The following CFAP299 variants were observed in gnomAD, a reference collection of about 807,000 sequenced individuals.
CFAP299 encodes cilia- and flagella-associated protein 299.
In CFAP299, 21 loss-of-function variants were observed where a neutral mutation model predicts 27.0. The observed-to-expected ratio is 0.78, with a 90% confidence interval of 0.55 to 1.12. The LOEUF is 1.12. Ranked by LOEUF, CFAP299 falls within the 50% of genes most tolerant of loss-of-function variation. The pLI is 0.00. For missense variants in CFAP299, 310 were observed against 276.6 expected (o/e 1.12, Z -0.86); for synonymous variants, 104 against 98.1 (o/e 1.06, Z -0.36).
intron 3 of CFAP299, among the ~76,000 whole-genome samples, chr4:80,855,886 T>C (rs11732549): frequency 0.12 from 18,249 of 151,178 alleles, 1,219 homozygotes; most frequent in Middle Eastern, 0.25. Context: ...TGTGTCTTTA[T>C]AGCAGCATGA....
chr4:80,860,912 T>C (rs1732297390), intron 3 of CFAP299, among the ~76,000 whole-genome samples: 1 of 152,204 alleles, frequency 6.6e-6, no homozygotes, highest in Non-Finnish European at 1.5e-5. Context: ...TTCAGCTGCG[T>C]GCTGGGAGAA....
At chr4:80,363,088 T>C (rs2109999165) in intron 2 of CFAP299, among the ~76,000 whole-genome samples, 1 of 152,344 alleles carries the variant, frequency 6.6e-6, no homozygotes, top group Non-Finnish European at 1.5e-5. Flanking sequence ...AAGCTACTAA[T>C]TTGAAATATA....
chr4:80,514,361 T>C (rs1482522960), intron 2 of CFAP299, among the ~76,000 whole-genome samples: 1 of 152,068 alleles, frequency 6.6e-6, no homozygotes, highest in Non-Finnish European at 1.5e-5. Context: ...ATTATTTAAC[T>C]AGGAGGTAGC....
chr4:80,402,551 A>G (rs1726217724), intron 2 of CFAP299, among the ~76,000 whole-genome samples: 1 of 152,160 alleles, frequency 6.6e-6, no homozygotes, highest in Non-Finnish European at 1.5e-5. Flanking sequence ...GCCATGTGGA[A>G]CTGTAAGTCC....
At chr4:80,501,832 C>CT (rs147696540) in intron 2 of CFAP299, among the ~76,000 whole-genome samples, 12,292 of 151,520 alleles carry the variant, frequency 0.081, 575 homozygotes, top group Non-Finnish European at 0.094. Flanking sequence ...TGAAAAGTCT[C>CT]TTTTCTTTTA....
intron 2 of CFAP299, among the ~76,000 whole-genome samples, chr4:80,555,791 G>A (rs1734751833): frequency 1.3e-5 from 2 of 152,174 alleles, no homozygotes; most frequent in East Asian, 1.9e-4. Context: ...GCTCAGAGGT[G>A]CTCATTGTAG....
chr4:80,455,633 G>GT (rs1172421683), intron 2 of CFAP299, among the ~76,000 whole-genome samples: 1 of 151,516 alleles, frequency 6.6e-6, no homozygotes, highest in Non-Finnish European at 1.5e-5. Context: ...TTTGTAGAGA[G>GT]TGAAAAAAAA....
chr4:80,473,910 T>C (rs1279531300), intron 2 of CFAP299, among the ~76,000 whole-genome samples: 1 of 152,170 alleles, frequency 6.6e-6, no homozygotes, highest in Admixed American at 6.5e-5. Context: ...AAAACAAATA[T>C]CTTTGGCTAC....
At chr4:80,936,194 G>A (rs1736879213) in intron 4 of CFAP299, among the ~76,000 whole-genome samples, 1 of 152,082 alleles carries the variant, frequency 6.6e-6, no homozygotes, top group Non-Finnish European at 1.5e-5. Flanking sequence ...GTTGGTGGGA[G>A]TGTAAATTAG....
At chr4:80,875,990 T>C (rs1168311518) in intron 4 of CFAP299, among the ~76,000 whole-genome samples, 1 of 152,008 alleles carries the variant, frequency 6.6e-6, no homozygotes, top group Non-Finnish European at 1.5e-5. Flanking sequence ...CATACCGTGG[T>C]TACAAGGTTG....
intron 3 of CFAP299, among the ~76,000 whole-genome samples, chr4:80,657,205 T>TTGC (rs1003811998): frequency 2.6e-5 from 4 of 152,202 alleles, no homozygotes; most frequent in African/African-American, 9.6e-5. Flanking sequence ...ATAGTTTCTT[T>TTGC]TGCTGTGCAG....
chr4:80,894,409 G>T (rs557498782), intron 4 of CFAP299, among the ~76,000 whole-genome samples: 2 of 152,112 alleles, frequency 1.3e-5, no homozygotes, highest in South Asian at 4.1e-4. Context: ...CTAATAATTT[G>T]TGTGTTTATT....
intron 2 of CFAP299, among the ~76,000 whole-genome samples, chr4:80,544,213 C>T (rs1734127975): frequency 6.6e-6 from 1 of 152,124 alleles, no homozygotes; most frequent in African/African-American, 2.4e-5. Context: ...GAATACTAAA[C>T]ATAAAAATGA....
chr4:80,867,203 A>G (rs953160412), intron 3 of CFAP299, among the ~76,000 whole-genome samples: 1 of 152,118 alleles, frequency 6.6e-6, no homozygotes, highest in African/African-American at 2.4e-5. Context: ...ACCTTGTATC[A>G]TTATGTAGTG....
chr4:80,648,695 G>A (rs1407631432), intron 3 of CFAP299, among the ~76,000 whole-genome samples: 1 of 152,080 alleles, frequency 6.6e-6, no homozygotes, highest in Admixed American at 6.6e-5. Flanking sequence ...AGATGGGATA[G>A]CAAAAGTTAC....
chr4:80,573,685 A>G (rs180717945), intron 2 of CFAP299, among the ~76,000 whole-genome samples: 1 of 152,100 alleles, frequency 6.6e-6, no homozygotes, highest in Non-Finnish European at 1.5e-5. Context: ...GTATATGGAT[A>G]TTCAGTATTT....
At chr4:80,711,823 C>G (rs1221889080) in intron 3 of CFAP299, among the ~76,000 whole-genome samples, 1 of 152,178 alleles carries the variant, frequency 6.6e-6, no homozygotes, top group Non-Finnish European at 1.5e-5. Context: ...GAGGCAACTT[C>G]AAGATTAGGC....
At chr4:80,856,030 A>C (rs1387306865) in intron 3 of CFAP299, among the ~76,000 whole-genome samples, 2 of 151,360 alleles carry the variant, frequency 1.3e-5, no homozygotes, top group Admixed American at 6.6e-5. Context: ...CCAACAGTGT[A>C]AAAGTGTTCC....
chr4:80,816,127 A>C (rs1490317359), intron 3 of CFAP299, among the ~76,000 whole-genome samples: 2 of 152,060 alleles, frequency 1.3e-5, no homozygotes, highest in Non-Finnish European at 2.9e-5. Context: ...AGTACATCAA[A>C]ATATGAGAAT....
Sources: allele counts gnomAD v4.1 joint callset (sites outside exome capture counted in the v4.1 genomes callset), GRCh38; gene constraint gnomAD v4.1.1; transcripts MANE v1.5; gene names NCBI Gene and HGNC (gene_info 2026-07-23, HGNC 2026-07-21).